CELF1: variants seen among roughly 807,000 people sequenced by gnomAD.
CELF1 encodes the protein CUGBP Elav-like family member 1.
A neutral mutation model predicts 61.8 loss-of-function variants in CELF1; 10 were observed. The observed-to-expected ratio is 0.16, with a 90% CI of 0.10 to 0.27. The LOEUF is 0.27. CELF1 is among the 10% of genes least tolerant of loss of function. The pLI, the probability that CELF1 is intolerant of heterozygous loss-of-function variation, is 1.00. For missense variants in CELF1, 380 were observed against 639.1 expected, an observed-to-expected ratio of 0.59 and a Z score of 4.37; for synonymous variants, 236 against 225.1, an observed-to-expected ratio of 1.05 and a Z score of -0.43.
At chr11:47,482,631 ACAG>A in intron 9 of CELF1, 61 bp downstream of exon 9, 2 of 1,498,304 alleles carry the variant, frequency 1.3e-6, no homozygotes, top group Non-Finnish European at 1.8e-6. Flanking sequence ...TTGGCTAGGG[ACAG>A]CAGAAGAAGG....
intron 9 of CELF1, among the ~76,000 whole-genome samples, chr11:47,480,140 G>A (rs910614803): frequency 6.6e-6 from 1 of 150,660 alleles, no homozygotes; most frequent in East Asian, 1.9e-4. Flanking sequence ...CCAGGCTGGA[G>A]TACAATGGTG....
chr11:47,476,186 TCTCA>T (rs1418261885), intron 12 of CELF1, among the ~76,000 whole-genome samples: 1 of 151,616 alleles, frequency 6.6e-6, no homozygotes, highest in Non-Finnish European at 1.5e-5. Context: ...GAGATGGAGT[TCTCA>T]CTATGTTGCT....
chr11:47,499,389 T>C, intron 3 of CELF1, 64 bp downstream of exon 3: 1 of 1,308,856 alleles, frequency 7.6e-7, no homozygotes, highest in Non-Finnish European at 1.0e-6. Context: ...ACCAATTTCA[T>C]CAAATAAAGA....
Position 47,502,696 on chromosome 11 carries a change from G to A in CELF1, c.-153-1764C>T, listed in dbSNP as rs562571702. ...AAATACAAAAAATTAGCTGGGCGTG[G>A]TGGCACATGCCTGTAATCCCAGCTA... On this transcript the variant is annotated intron_variant, in intron 1 of 14. Coordinates refer to ENST00000687097, the MANE Select transcript of CELF1 (RefSeq NM_001376376.1). Among the ~76,000 whole-genome samples the A allele has an allele frequency of 3.1e-3, 468 of 152,242 alleles. 4 individuals are homozygous for A. Among genetic ancestry groups the A allele is most frequent in the Non-Finnish European group, 2.4e-3 (164 of 68,008 alleles).
At chr11:47,565,462 C>A in exon 1 of CELF1, 1 of 606,754 alleles carries the variant, frequency 1.6e-6, no homozygotes. Context: ...TCCAGAGTCC[C>A]GCCAGTCCCC....
intron 5 of CELF1, 61 bp from the exon 6 acceptor site, chr11:47,486,859 T>C (rs2087618263): frequency 7.9e-7 from 1 of 1,262,018 alleles, no homozygotes; most frequent in African/African-American, 1.5e-5. Context: ...AAAATACATA[T>C]GGACTCTAAA....
chr11:47,558,541 ATT>A, intron 2 of CELF1, among the ~76,000 whole-genome samples: 1 of 109,398 alleles, frequency 9.1e-6, no homozygotes, highest in African/African-American at 4.3e-5. Flanking sequence ...ATATTTATAT[ATT>A]TATATTATAT....
intron 1 of CELF1, among the ~76,000 whole-genome samples, chr11:47,507,083 G>A (rs1452292446): frequency 6.6e-6 from 1 of 152,062 alleles, no homozygotes; most frequent in African/African-American, 2.4e-5. Context: ...ATATCTCAAG[G>A]CTAATTTTAA....
chr11:47,553,805 A>AT (rs1417273648), upstream of CELF1, among the ~76,000 whole-genome samples: 369 of 148,730 alleles, frequency 2.5e-3, 2 homozygotes, highest in African/African-American at 8.0e-3. Context: ...CCGAAAAAAA[A>AT]ATATATATAT....
At chr11:47,539,139 C>T (rs2096710999) in intron 1 of CELF1, among the ~76,000 whole-genome samples, 1 of 152,178 alleles carries the variant, frequency 6.6e-6, no homozygotes, top group African/African-American at 2.4e-5. Flanking sequence ...TGATGGCTCA[C>T]TTTAAGTTTC....
At chr11:47,512,289 A>T (rs1243774870) in intron 1 of CELF1, among the ~76,000 whole-genome samples, 1 of 152,050 alleles carries the variant, frequency 6.6e-6, no homozygotes, top group Non-Finnish European at 1.5e-5. Flanking sequence ...AGTAGCTGGG[A>T]CTACAGGCAC....
upstream of CELF1, among the ~76,000 whole-genome samples, chr11:47,557,307 C>A (rs1286487612): frequency 6.6e-6 from 1 of 151,054 alleles, no homozygotes; most frequent in East Asian, 2.0e-4. Flanking sequence ...CAACCTCCCC[C>A]TCCCGGGTTC....
intron 1 of CELF1, among the ~76,000 whole-genome samples, chr11:47,552,416 C>A (rs542415966): frequency 6.6e-6 from 1 of 152,370 alleles, no homozygotes; most frequent in South Asian, 2.1e-4. Flanking sequence ...TCCTGCCCAG[C>A]TACTAGGCCA....
intron 1 of CELF1, among the ~76,000 whole-genome samples, chr11:47,538,514 G>T (rs2096688747): frequency 6.6e-6 from 1 of 151,898 alleles, no homozygotes; most frequent in African/African-American, 2.4e-5. Context: ...ATGGTGGTGG[G>T]CACCTGTACT....
chr11:47,551,835 T>C (rs1205767455), intron 1 of CELF1, among the ~76,000 whole-genome samples: 1 of 152,094 alleles, frequency 6.6e-6, no homozygotes, highest in East Asian at 1.9e-4. Flanking sequence ...CTGATCAACA[T>C]GGTGAAACCC....
chr11:47,495,138 G>A (rs1192429368), intron 3 of CELF1, among the ~76,000 whole-genome samples: 1 of 152,252 alleles, frequency 6.6e-6, no homozygotes, highest in Non-Finnish European at 1.5e-5. Context: ...GAAACAGGCA[G>A]TTAGTAGTGA....
chr11:47,558,750 TATATA>T (rs1179693203), intron 2 of CELF1, among the ~76,000 whole-genome samples: 1 of 115,502 alleles, frequency 8.7e-6, no homozygotes, highest in African/African-American at 3.5e-5. Flanking sequence ...GTATATATAA[TATATA>T]TAATATATAT....
intron 13 of CELF1, among the ~76,000 whole-genome samples, chr11:47,474,098 C>T (rs1190219222): frequency 6.6e-6 from 1 of 152,252 alleles, no homozygotes; most frequent in East Asian, 1.9e-4. Flanking sequence ...GGGGTTTCAC[C>T]ATGTTGGTCA....
Position 47,468,283 on chromosome 11 carries a change from G to GT in CELF1, c.*3946dup, listed in dbSNP as rs1323293230. 6.6e-6 allele frequency: 1 copy of GT among 152,206 alleles called. No homozygotes were observed. Among genetic ancestry groups the GT allele is most frequent in the Non-Finnish European group, 1.5e-5 (1 of 68,090 alleles). The allele number at this position is 152,206 out of a possible 1,614,324, so 9.4% of individuals were successfully genotyped here. On this transcript the variant is annotated 3_prime_UTR_variant, in exon 15 of 15. Coordinates refer to ENST00000687097, the MANE Select transcript of CELF1 (RefSeq NM_001376376.1). Reference sequence around the variant, plus strand: ...AGCCTGCGGTCAAAAAGGAAAGGGGGTTCAGGTGCTCTCCGCAGTTGAGAA... The same window carrying GT: ...AGCCTGCGGTCAAAAAGGAAAGGGGGTTTCAGGTGCTCTCCGCAGTTGAGAA...
Sources: allele counts gnomAD v4.1 joint callset (sites outside exome capture counted in the v4.1 genomes callset), GRCh38; gene constraint gnomAD v4.1.1; transcripts MANE v1.5; gene names NCBI Gene and HGNC (gene_info 2026-07-23, HGNC 2026-07-21).